TG: variants seen among roughly 807,000 people sequenced by gnomAD.
The protein encoded by TG is thyroid hormones.
TG carries 270 observed loss-of-function variants against 324.7 expected under a neutral mutation model. The observed-to-expected ratio is 0.83, with a 90% CI of 0.75 to 0.92. TG has a LOEUF of 0.92. TG is among the 40% of genes least tolerant of loss of function. The probability of loss-of-function intolerance (pLI) is 0.00; values close to 1 mark genes in which losing one functional copy is unlikely to be tolerated. For synonymous variants in TG, 1,401 were observed against 1,327.0 expected (o/e 1.06, Z -1.21); for missense variants, 3,591 against 3,456.4 (o/e 1.04, Z -0.98).
chr8:132,916,907 ATT>A (rs72409827), intron 20 of TG, among the ~76,000 whole-genome samples: 3 of 150,252 alleles, frequency 2.0e-5, no homozygotes, highest in Non-Finnish European at 3.0e-5. Flanking sequence ...TTCCCTATGG[ATT>A]TTTTTTTTGC....
At chr8:132,924,190 AC>A (rs1180794794) in intron 22 of TG, among the ~76,000 whole-genome samples, 2 of 151,976 alleles carry the variant, frequency 1.3e-5, no homozygotes, top group African/African-American at 4.8e-5. Context: ...GGAGCATGCA[AC>A]CTAGATCCCT....
chr8:133,073,993 C>A (rs1844477368), intron 41 of TG, among the ~76,000 whole-genome samples: 1 of 152,124 alleles, frequency 6.6e-6, no homozygotes, highest in African/African-American at 2.4e-5. Context: ...CCTCCTGACA[C>A]CCCCATGCAC....
At chr8:132,907,688 A>G (rs1818884069) in intron 17 of TG, among the ~76,000 whole-genome samples, 1 of 152,208 alleles carries the variant, frequency 6.6e-6, no homozygotes, top group South Asian at 2.1e-4. Flanking sequence ...CTATGTTGAA[A>G]TCAAGACCAG....
intron 45 of TG, among the ~76,000 whole-genome samples, chr8:133,124,302 G>A (rs886244527): frequency 2.6e-5 from 4 of 152,162 alleles, no homozygotes; most frequent in African/African-American, 9.7e-5. Context: ...CCTACATCCC[G>A]ATGGTGTGGA....
In TG at chr8:133,042,678, C is replaced by CTTTTTTTTTTTTTTTTTT. The variant is rs58739514; in HGVS notation, c.7239+12669_7239+12686dup. Among the ~76,000 whole-genome samples the CTTTTTTTTTTTTTTTTTT allele has an allele frequency of 1.9e-4, 11 of 56,732 alleles. 3 individuals are homozygous for CTTTTTTTTTTTTTTTTTT. The highest frequency in any genetic ancestry group is 4.8e-4 in the African/African-American group (7 of 14,466). 37.2% of individuals were successfully genotyped at this position (56,732 alleles called of 152,430 possible). ...GTGCACAATTCCTCTCATTCTGTGT[C>CTTTTTTTTTTTTTTTTTT]TTTTTTTTTTTTTTTTTTTTTTTTT... On this transcript the variant is annotated intron_variant, in intron 41 of 47. Transcript: ENST00000220616.
At chr8:132,943,252 CAGTG>C (rs1170190137) in intron 26 of TG, among the ~76,000 whole-genome samples, 1 of 152,122 alleles carries the variant, frequency 6.6e-6, no homozygotes, top group East Asian at 1.9e-4. Context: ...ATCCTCGTGA[CAGTG>C]AGTGAGTTCT....
intron 31 of TG, 45 bp from the exon 32 acceptor site, chr8:132,969,413 A>T: frequency 7.4e-7 from 1 of 1,353,174 alleles, no homozygotes; most frequent in Non-Finnish European, 1.1e-6. Context: ...TTTCATGACT[A>T]CAGCAAATCT....
chr8:132,963,126 A>G (rs1285493764), intron 29 of TG, 52 bp downstream of exon 29: 1 of 1,516,924 alleles, frequency 6.6e-7, no homozygotes, highest in East Asian at 2.3e-5. Flanking sequence ...TGCAGAGACT[A>G]AATGGGTGCA....
intron 35 of TG, chr8:133,002,704 AG>A (rs1833646888): frequency 4.3e-6 from 1 of 233,122 alleles, no homozygotes; most frequent in African/African-American, 2.3e-5. Context: ...CTGGCGCTTC[AG>A]TTGAGCCCAG....
chr8:133,081,516 G>A (rs987331305), intron 41 of TG, among the ~76,000 whole-genome samples: 6 of 152,118 alleles, frequency 3.9e-5, no homozygotes, highest in Non-Finnish European at 8.8e-5. Context: ...AGCTGGAGTG[G>A]AACCTAAATG....
At chr8:133,124,308 G>A (rs1346029634) in intron 45 of TG, among the ~76,000 whole-genome samples, 1 of 152,214 alleles carries the variant, frequency 6.6e-6, no homozygotes, top group African/African-American at 2.4e-5. Flanking sequence ...TCCCGATGGT[G>A]TGGAAGATGT....
At chr8:133,113,923 A>G (rs755717849) in intron 44 of TG, among the ~76,000 whole-genome samples, 2 of 152,216 alleles carry the variant, frequency 1.3e-5, no homozygotes, top group Admixed American at 6.5e-5. Context: ...TGCACGCTCC[A>G]CCTGAAGCAG....
chr8:132,883,556 AG>A (rs985412799), intron 8 of TG, among the ~76,000 whole-genome samples: 14 of 152,302 alleles, frequency 9.2e-5, no homozygotes, highest in African/African-American at 3.1e-4. Flanking sequence ...GAGTATGAAT[AG>A]GGTGGTGCTC....
chr8:133,018,135 A>T, intron 38 of TG, 138 bp downstream of exon 38: 1 of 869,658 alleles, frequency 1.1e-6, no homozygotes, highest in Non-Finnish European at 1.9e-6. Context: ...ATTAGCTAAG[A>T]TATCATTAAG....
intron 11 of TG, among the ~76,000 whole-genome samples, chr8:132,896,518 G>T (rs184835780): frequency 6.6e-6 from 1 of 152,208 alleles, no homozygotes; most frequent in Non-Finnish European, 1.5e-5. Flanking sequence ...CAGGATCCTG[G>T]TGAGGAGCCC....
intron 42 of TG, among the ~76,000 whole-genome samples, 177 bp from the exon 43 acceptor site, chr8:133,096,029 C>T (rs1330663163): frequency 6.6e-6 from 1 of 152,240 alleles, no homozygotes; most frequent in African/African-American, 2.4e-5. Context: ...TTCATTCACC[C>T]TCCAGCCCCT....
intron 9 of TG, 70 bp downstream of exon 9, chr8:132,887,618 A>G: frequency 2.5e-6 from 4 of 1,601,246 alleles, no homozygotes; most frequent in Non-Finnish European, 3.4e-6. Flanking sequence ...AATGCAGTAC[A>G]GTAATAGAAA....
At chr8:133,003,533 CAT>C (rs1833749733) in intron 35 of TG, among the ~76,000 whole-genome samples, 1 of 151,886 alleles carries the variant, frequency 6.6e-6, no homozygotes, top group Non-Finnish European at 1.5e-5. Flanking sequence ...TCCTCTGCAT[CAT>C]ATACATATAT....
At chr8:132,996,941 A>G (rs1010538218) in intron 35 of TG, among the ~76,000 whole-genome samples, 2 of 152,196 alleles carry the variant, frequency 1.3e-5, no homozygotes, top group Non-Finnish European at 2.9e-5. Context: ...CTAATGAGAG[A>G]TGAAGTTGGA....
Sources: gnomAD v4.1 joint callset for allele counts (sites outside exome capture counted in the v4.1 genomes callset) on GRCh38, gnomAD v4.1.1 for gene constraint, MANE v1.5 for transcripts, NCBI Gene and HGNC (gene_info 2026-07-23, HGNC 2026-07-21) for gene names.